The following ZNF831 variants were observed in gnomAD, a reference collection of about 807,000 sequenced individuals.
ZNF831 encodes chromosome 20 open reading frame 174.
Under a neutral mutation model 95.8 loss-of-function variants are expected in ZNF831, and 59 were observed. That is an observed-to-expected ratio of 0.62 (90% CI 0.50 to 0.77). The LOEUF (loss-of-function observed/expected upper bound fraction) is 0.77, where lower values mean the gene tolerates loss of function less well. Among genes scored for constraint, ZNF831 ranks in the 30% least tolerant of loss-of-function variants. The probability of loss-of-function intolerance (pLI) is 0.00; values close to 1 mark genes in which losing one functional copy is unlikely to be tolerated. For missense variants in ZNF831, 2,205 were observed against 2,164.0 expected, an observed-to-expected ratio of 1.02 and a Z score of -0.38; for synonymous variants, 961 against 925.5, an observed-to-expected ratio of 1.04 and a Z score of -0.70.
chr20:59,200,034 A>C (rs1984414497), intron 3 of ZNF831, among the ~76,000 whole-genome samples: 1 of 152,172 alleles, frequency 6.6e-6, no homozygotes, highest in Non-Finnish European at 1.5e-5. Flanking sequence ...CCATTGCACT[A>C]TCTGTCAGCT....
At chr20:59,177,311 A>G (rs903075723) in intron 1 of ZNF831, among the ~76,000 whole-genome samples, 20 of 152,372 alleles carry the variant, frequency 1.3e-4, no homozygotes, top group African/African-American at 4.8e-4. Context: ...CCAGGGAAAT[A>G]GTATACTTGC....
chr20:59,162,075 T>G (rs571802382), upstream of ZNF831, among the ~76,000 whole-genome samples: 2 of 152,354 alleles, frequency 1.3e-5, no homozygotes, highest in East Asian at 1.9e-4. Flanking sequence ...TTTTGAGAAG[T>G]GTCTCTTCAT....
At chr20:59,218,481 A>G (rs1298028721) in intron 4 of ZNF831, among the ~76,000 whole-genome samples, 1 of 152,134 alleles carries the variant, frequency 6.6e-6, no homozygotes, top group East Asian at 1.9e-4. Flanking sequence ...AACAGAGAGA[A>G]TTGCTTCAAG....
At chr20:59,246,175 A>T (rs535482718) in intron 4 of ZNF831, among the ~76,000 whole-genome samples, 1 of 152,142 alleles carries the variant, frequency 6.6e-6, no homozygotes, top group East Asian at 1.9e-4. Context: ...GAGGCCAGGG[A>T]TGGGTCTGGG....
intron 1 of ZNF831, among the ~76,000 whole-genome samples, chr20:59,183,385 G>A (rs1442228744): frequency 7.9e-5 from 12 of 152,206 alleles, no homozygotes; most frequent in Admixed American, 7.9e-4. Context: ...GGTGAAGACT[G>A]TAAGTTAGGC....
intron 1 of ZNF831, among the ~76,000 whole-genome samples, chr20:59,146,035 C>T (rs917826982): frequency 2.0e-5 from 3 of 152,028 alleles, no homozygotes; most frequent in African/African-American, 4.8e-5. Context: ...TAGCTGCCGC[C>T]GCCCACACAC....
At chr20:59,222,635 A>C (rs1986162606) in intron 4 of ZNF831, among the ~76,000 whole-genome samples, 1 of 152,204 alleles carries the variant, frequency 6.6e-6, no homozygotes, top group Non-Finnish European at 1.5e-5. Context: ...AAGAAAGCGC[A>C]GAGGGCTGGG....
chr20:59,178,774 T>G (rs943203453), intron 1 of ZNF831, among the ~76,000 whole-genome samples: 1 of 152,214 alleles, frequency 6.6e-6, no homozygotes, highest in Non-Finnish European at 1.5e-5. Context: ...TACAGTTCAT[T>G]TGAGTATCAC....
At chr20:59,162,267 A>C (rs770397120), upstream of ZNF831, among the ~76,000 whole-genome samples, 1 of 152,158 alleles carries the variant, frequency 6.6e-6, no homozygotes, top group South Asian at 2.1e-4. Context: ...ATTAGGTACC[A>C]GTTGTCAATA....
chr20:59,195,796 C>A, intron 2 of ZNF831, 73 bp from the exon 3 acceptor site: 2 of 1,548,994 alleles, frequency 1.3e-6, no homozygotes, highest in Non-Finnish European at 1.7e-6. Context: ...GTCTGCAGAG[C>A]GAGAACCCTT....
At chr20:59,227,326 A>C (rs1986485151) in intron 4 of ZNF831, among the ~76,000 whole-genome samples, 2 of 152,196 alleles carry the variant, frequency 1.3e-5, no homozygotes, top group Admixed American at 1.3e-4. Flanking sequence ...TTCTGAGATA[A>C]ATTTTGGAGG....
intron 4 of ZNF831, among the ~76,000 whole-genome samples, chr20:59,239,584 C>T: frequency 7.2e-6 from 1 of 138,934 alleles, no homozygotes. Flanking sequence ...GAGTCTCGCT[C>T]TGTCGCCCAG....
chr20:59,199,082 TC>T (rs1402603813), intron 3 of ZNF831, among the ~76,000 whole-genome samples: 114 of 33,066 alleles, frequency 3.4e-3, no homozygotes, highest in Non-Finnish European at 9.1e-4. Flanking sequence ...TATCTATCTA[TC>T]TATCTATCTA....
At chr20:59,223,892 G>A (rs536945476) in intron 4 of ZNF831, among the ~76,000 whole-genome samples, 1 of 152,342 alleles carries the variant, frequency 6.6e-6, no homozygotes, top group South Asian at 2.1e-4. Flanking sequence ...CAGCTAGTTT[G>A]AGACCTTTAC....
At chr20:59,136,734 A>G (rs909392547) in intron 1 of ZNF831, among the ~76,000 whole-genome samples, 5 of 152,234 alleles carry the variant, frequency 3.3e-5, no homozygotes, top group African/African-American at 1.2e-4. Context: ...TCTGTAAGGC[A>G]ACATAGCAGA....
At chr20:59,228,344 A>G (rs1329323908) in intron 4 of ZNF831, among the ~76,000 whole-genome samples, 1 of 151,586 alleles carries the variant, frequency 6.6e-6, no homozygotes, top group African/African-American at 2.4e-5. Flanking sequence ...TTGATGGGAA[A>G]TTGGCTGGTC....
At chr20:59,199,433 T>A (rs1205434315) in intron 3 of ZNF831, among the ~76,000 whole-genome samples, 1 of 152,180 alleles carries the variant, frequency 6.6e-6, no homozygotes, top group Non-Finnish European at 1.5e-5. Flanking sequence ...TAATATATAA[T>A]ATTGTTTGGT....
chr20:59,154,648 T>C (rs1213109420), intron 2 of ZNF831, among the ~76,000 whole-genome samples: 1 of 152,254 alleles, frequency 6.6e-6, no homozygotes, highest in African/African-American at 2.4e-5. Flanking sequence ...CTATGTCATC[T>C]GTCCCCGGCA....
rs1271232722 is a variant in ZNF831 at position 59,256,591 on chromosome 20, G to A, written c.*1848G>A. The A allele has an allele frequency of 2.0e-5, 3 of 152,168 alleles. No individual in the cohort carries two copies. The highest frequency in any genetic ancestry group is 4.4e-5 in the Non-Finnish European group (3 of 68,034). 9.4% of individuals were successfully genotyped at this position (152,168 alleles called of 1,614,324 possible). A position where few individuals can be genotyped will look rare whatever the true frequency, so the allele number is the denominator to read the frequency against. ...TTCCCTAAGTGAGAATAAGAGAGTT[G>A]GACAAGACGAATGTATCTCCAGGTT... On this transcript the variant is annotated 3_prime_UTR_variant, in exon 6 of 6. Transcript: ENST00000371030.
Sources: allele counts gnomAD v4.1 joint callset (sites outside exome capture counted in the v4.1 genomes callset), GRCh38; gene constraint gnomAD v4.1.1; transcripts MANE v1.5; gene names NCBI Gene and HGNC (gene_info 2026-07-23, HGNC 2026-07-21).